Variants in MCTP1 observed in about 807,000 individuals in gnomAD.
MCTP1 encodes multiple C2 and transmembrane domain containing 1, also known as multiple C2 and transmembrane domain-containing protein 1.
A neutral mutation model predicts 120.6 loss-of-function variants in MCTP1; 69 were observed. The observed-to-expected ratio is 0.57, with a 90% CI of 0.47 to 0.70. The LOEUF is 0.70. Ranked by LOEUF, MCTP1 falls within the 30% of genes least tolerant of loss-of-function variation. MCTP1 has a pLI of 0.00. For synonymous variants in MCTP1, 529 were observed against 493.1 expected, an observed-to-expected ratio of 1.07 and a Z score of -0.96; for missense variants, 1,203 against 1,248.8, an observed-to-expected ratio of 0.96 and a Z score of 0.55.
At chr5:94,805,735 G>A (rs1782135520) in intron 17 of MCTP1, among the ~76,000 whole-genome samples, 1 of 150,980 alleles carries the variant, frequency 6.6e-6, no homozygotes, top group African/African-American at 2.4e-5. Context: ...GGGAGGGCAG[G>A]GACTATTACC....
intron 1 of MCTP1, among the ~76,000 whole-genome samples, chr5:95,053,914 A>T (rs1746658266): frequency 6.6e-6 from 1 of 152,206 alleles, no homozygotes; most frequent in South Asian, 2.1e-4. Flanking sequence ...AGTGGATACA[A>T]ATCATGTGTC....
chr5:94,821,419 T>G (rs1448116218), intron 17 of MCTP1, among the ~76,000 whole-genome samples: 2 of 152,182 alleles, frequency 1.3e-5, no homozygotes, highest in African/African-American at 4.8e-5. Context: ...CATTTTGATC[T>G]TCCCCTGTCT....
chr5:94,733,825 G>A (rs2003118), intron 19 of MCTP1, among the ~76,000 whole-genome samples: 35,018 of 151,646 alleles, frequency 0.23, 4,165 homozygotes, highest in East Asian at 0.34. Flanking sequence ...TTAGCCGGGC[G>A]TGGTGGCGGG....
At chr5:94,971,061 G>T (rs1384177786) in intron 2 of MCTP1, among the ~76,000 whole-genome samples, 3 of 152,054 alleles carry the variant, frequency 2.0e-5, no homozygotes. Flanking sequence ...TAGCCAAAGA[G>T]TTAGTTGTGT....
chr5:94,854,804 GATTT>G (rs1198980792), intron 17 of MCTP1, among the ~76,000 whole-genome samples: 2 of 151,810 alleles, frequency 1.3e-5, no homozygotes, highest in Non-Finnish European at 2.9e-5. Flanking sequence ...TATTTCATAG[GATTT>G]ATTTTTTAAT....
chr5:95,039,078 C>A (rs895992303), intron 1 of MCTP1, among the ~76,000 whole-genome samples: 1 of 151,942 alleles, frequency 6.6e-6, no homozygotes. Context: ...AAAAATAGCA[C>A]ATACCTAACA....
intron 19 of MCTP1, among the ~76,000 whole-genome samples, chr5:94,740,628 T>G: frequency 6.6e-6 from 1 of 152,180 alleles, no homozygotes; most frequent in East Asian, 1.9e-4. Context: ...TCCCAATACC[T>G]TAGCAATTTG....
intron 10 of MCTP1, among the ~76,000 whole-genome samples, chr5:94,907,183 C>T (rs1465273636): frequency 2.6e-5 from 4 of 152,126 alleles, no homozygotes; most frequent in Admixed American, 1.3e-4. Flanking sequence ...ATTTAACAAG[C>T]GTCAAGTTAG....
intron 2 of MCTP1, among the ~76,000 whole-genome samples, chr5:94,962,851 C>T (rs1157832997): frequency 1.3e-5 from 2 of 151,788 alleles, no homozygotes; most frequent in African/African-American, 4.8e-5. Flanking sequence ...CCATTTGTTC[C>T]CCAAAAACCT....
chr5:94,817,641 T>C (rs1784756379), intron 17 of MCTP1, among the ~76,000 whole-genome samples: 2 of 152,208 alleles, frequency 1.3e-5, no homozygotes, highest in Non-Finnish European at 2.9e-5. Flanking sequence ...TCTAGGTATA[T>C]TGTAGTTGTA....
chr5:94,744,258 G>A (rs1054572725), intron 19 of MCTP1, among the ~76,000 whole-genome samples: 2 of 152,238 alleles, frequency 1.3e-5, no homozygotes, highest in African/African-American at 4.8e-5. Context: ...ATAGGCGTGA[G>A]CCGTTGAGCT....
intron 1 of MCTP1, among the ~76,000 whole-genome samples, chr5:95,159,702 G>A (rs1157730632): frequency 6.6e-6 from 1 of 151,856 alleles, no homozygotes; most frequent in Non-Finnish European, 1.5e-5. Context: ...TTCCACTTGT[G>A]AGTCTGAAGC....
chr5:94,808,314 C>T (rs77309552), intron 17 of MCTP1, among the ~76,000 whole-genome samples: 2,383 of 152,182 alleles, frequency 0.016, 27 homozygotes, highest in Middle Eastern at 0.034. Context: ...CCTAGCATAA[C>T]GATAACCTTT....
chr5:95,024,450 G>C (rs780195023), intron 1 of MCTP1, among the ~76,000 whole-genome samples: 6 of 151,938 alleles, frequency 3.9e-5, no homozygotes, highest in African/African-American at 1.2e-4. Context: ...GTTATATAAG[G>C]ACTGTTTCTC....
intron 1 of MCTP1, among the ~76,000 whole-genome samples, chr5:95,159,169 T>C (rs1745453218): frequency 6.6e-6 from 1 of 152,224 alleles, no homozygotes; most frequent in Non-Finnish European, 1.5e-5. Context: ...TCTATAAGAC[T>C]GTGTCTACTA....
rs1754939042 is a variant in MCTP1 at position 94,707,474 on chromosome 5, TCTC to T, written c.*19_*21del. The T allele has an allele frequency of 1.3e-6, 2 of 1,573,952 alleles. No homozygotes were observed. The highest frequency in any genetic ancestry group is 1.7e-6 in the Non-Finnish European group (2 of 1,146,258). On this transcript the variant is annotated 3_prime_UTR_variant, in exon 23 of 23. Coordinates refer to ENST00000515393, the MANE Select transcript of MCTP1 (RefSeq NM_024717.7). Reference sequence around the variant, plus strand: ...TTTTATCTTCCCAAACAGATGCTGGTCTCCTCAGTGCTGGGAGCTGGCTAGCCA... The same window carrying T: ...TTTTATCTTCCCAAACAGATGCTGGTCTCAGTGCTGGGAGCTGGCTAGCCA...
intron 1 of MCTP1, among the ~76,000 whole-genome samples, chr5:95,215,012 A>G (rs904541982): frequency 2.0e-5 from 3 of 146,554 alleles, no homozygotes; most frequent in Admixed American, 2.0e-4. Context: ...CTTAAAGTAT[A>G]AAAAAAAAAG....
intron 1 of MCTP1, among the ~76,000 whole-genome samples, chr5:95,027,045 A>G (rs944313261): frequency 2.6e-5 from 4 of 152,188 alleles, no homozygotes; most frequent in African/African-American, 9.7e-5. Flanking sequence ...GCTTTTTAAA[A>G]CCTAATTTTC....
chr5:94,804,319 AC>A (rs1321337535), intron 17 of MCTP1, among the ~76,000 whole-genome samples: 2 of 152,196 alleles, frequency 1.3e-5, no homozygotes, highest in African/African-American at 4.8e-5. Flanking sequence ...TTAGTCTCTT[AC>A]CTATAAAATG....
Sources: gnomAD v4.1 joint callset for allele counts (sites outside exome capture counted in the v4.1 genomes callset) on GRCh38, gnomAD v4.1.1 for gene constraint, MANE v1.5 for transcripts, NCBI Gene and HGNC (gene_info 2026-07-23, HGNC 2026-07-21) for gene names.